PI4K2B: variants seen among roughly 807,000 people sequenced by gnomAD.
The protein encoded by PI4K2B is phosphatidylinositol 4-kinase type 2-beta.
PI4K2B carries 46 observed loss-of-function variants against 56.6 expected under a neutral mutation model. The observed-to-expected ratio is 0.81, with a 90% CI of 0.64 to 1.04. The LOEUF (loss-of-function observed/expected upper bound fraction) is 1.04, where lower values mean the gene tolerates loss of function less well. Ranked by LOEUF, PI4K2B falls within the 50% of genes least tolerant of loss-of-function variation. The pLI, the probability that PI4K2B is intolerant of heterozygous loss-of-function variation, is 0.00. For synonymous variants in PI4K2B, 211 were observed against 223.8 expected, an observed-to-expected ratio of 0.94 and a Z score of 0.51; for missense variants, 556 against 607.7, an observed-to-expected ratio of 0.91 and a Z score of 0.89.
intron 1 of PI4K2B, among the ~76,000 whole-genome samples, chr4:25,235,151 T>G (rs1683875222): frequency 1.3e-5 from 2 of 152,220 alleles, no homozygotes; most frequent in African/African-American, 4.8e-5. Flanking sequence ...TGAGTTTTTC[T>G]GGCGTGTTGA....
In PI4K2B at chr4:25,278,446, G is replaced by A. The variant is rs934876379; in HGVS notation, c.*1259G>A. On this transcript the variant is annotated 3_prime_UTR_variant, in exon 10 of 10. Transcript: ENST00000264864. ...TTTTGTTTTCTAAGCTTACTATCTT[G>A]TGTTTGTTTATTTGCTTTTAATGAA... 6.6e-6 allele frequency: 1 copy of A among 152,168 alleles called. No homozygotes were observed. The highest frequency in any genetic ancestry group is 6.6e-5 in the Admixed American group (1 of 15,266). The allele number at this position is 152,168 out of a possible 1,614,324, so 9.4% of individuals were successfully genotyped here.
chr4:25,240,770 C>T (rs1300275950), intron 1 of PI4K2B, among the ~76,000 whole-genome samples: 10 of 152,076 alleles, frequency 6.6e-5, no homozygotes, highest in Non-Finnish European at 1.0e-4. Flanking sequence ...TTTGTCTCTT[C>T]CTCTCTTTCT....
intron 1 of PI4K2B, among the ~76,000 whole-genome samples, chr4:25,237,105 G>A (rs1715292576): frequency 6.6e-6 from 1 of 152,164 alleles, no homozygotes; most frequent in Non-Finnish European, 1.5e-5. Context: ...AATGTCATAT[G>A]TCTGTTATCT....
At chr4:25,241,517 G>A (rs138774896) in intron 1 of PI4K2B, among the ~76,000 whole-genome samples, 2,070 of 152,314 alleles carry the variant, frequency 0.014, 41 homozygotes, top group African/African-American at 0.047. Context: ...ATGCATGTGC[G>A]TATTTGAAGC....
chr4:25,256,787 C>T, intron 4 of PI4K2B, 113 bp downstream of exon 4: 2 of 953,452 alleles, frequency 2.1e-6, no homozygotes. Flanking sequence ...GATTTTTCAT[C>T]TTCCAGGAGC....
At chr4:25,241,935 A>G (rs1378487577) in intron 1 of PI4K2B, among the ~76,000 whole-genome samples, 1 of 152,134 alleles carries the variant, frequency 6.6e-6, no homozygotes, top group African/African-American at 2.4e-5. Flanking sequence ...ATTCTACTAG[A>G]TGAGTATTTG....
chr4:25,245,441 G>T (rs1715721174), intron 1 of PI4K2B, among the ~76,000 whole-genome samples: 1 of 152,076 alleles, frequency 6.6e-6, no homozygotes, highest in South Asian at 2.1e-4. Flanking sequence ...ATGGCCGCAG[G>T]GTCAACCAAG....
At chr4:25,256,479 G>T in intron 3 of PI4K2B, 64 bp from the exon 4 acceptor site, 2 of 1,407,206 alleles carry the variant, frequency 1.4e-6, no homozygotes, top group Non-Finnish European at 2.0e-6. Flanking sequence ...GAGTTTCATG[G>T]TGTATATGAA....
At chr4:25,245,281 T>G (rs1715708668) in intron 1 of PI4K2B, among the ~76,000 whole-genome samples, 1 of 151,922 alleles carries the variant, frequency 6.6e-6, no homozygotes, top group Non-Finnish European at 1.5e-5. Context: ...CAGAGACAGG[T>G]AGCAATTTTT....
rs533544057 is a variant in PI4K2B at position 25,260,610 on chromosome 4, T to TTATATA, written c.978+46_978+51dup. The TTATATA allele has an allele frequency of 1.4e-3, 436 of 306,756 alleles. 1 individual carries two copies. The highest frequency in any genetic ancestry group is 5.4e-3 in the African/African-American group (218 of 40,228). The allele number at this position is 306,756 out of a possible 1,614,324, so 19.0% of individuals were successfully genotyped here. A position where few individuals can be genotyped will look rare whatever the true frequency, so the allele number is the denominator to read the frequency against. On this transcript the variant is annotated intron_variant, in intron 6 of 9. Transcript: ENST00000264864. ...CCATAAGGTAAGGAAATTTACAATTTTATATATATATATATATATATATAT... is the reference window on the plus strand; with the variant it reads ...CCATAAGGTAAGGAAATTTACAATTTTATATATATATATATATATATATATATATAT...
intron 1 of PI4K2B, among the ~76,000 whole-genome samples, chr4:25,248,928 GTC>G (rs1715912445): frequency 6.6e-6 from 1 of 152,066 alleles, no homozygotes; most frequent in African/African-American, 2.4e-5. Context: ...GTGAACAAAG[GTC>G]TCTGGTTTTA....
intron 9 of PI4K2B, among the ~76,000 whole-genome samples, chr4:25,276,037 ACAT>A (rs1717081566): frequency 6.6e-6 from 1 of 152,238 alleles, no homozygotes; most frequent in South Asian, 2.1e-4. Flanking sequence ...TTATGTGGAA[ACAT>A]TTATGCTTAT....
intron 7 of PI4K2B, 30 bp downstream of exon 7, chr4:25,263,879 A>C: frequency 1.1e-6 from 1 of 938,448 alleles, no homozygotes; most frequent in Non-Finnish European, 1.7e-6. Flanking sequence ...TGTAGAGTCT[A>C]TAATTACCTT....
intron 9 of PI4K2B, among the ~76,000 whole-genome samples, chr4:25,269,498 G>A (rs1022342887): frequency 4.6e-5 from 7 of 151,868 alleles, no homozygotes; most frequent in African/African-American, 1.4e-4. Context: ...AATTAGCTGG[G>A]TGTGGTGGCG....
chr4:25,254,085 GA>G (rs944105250), intron 2 of PI4K2B, among the ~76,000 whole-genome samples: 1 of 152,126 alleles, frequency 6.6e-6, no homozygotes, highest in Non-Finnish European at 1.5e-5. Context: ...ATTGGTTCCT[GA>G]AAAAATAGCT....
chr4:25,267,364 A>G (rs1021498394), intron 7 of PI4K2B, among the ~76,000 whole-genome samples: 27 of 152,248 alleles, frequency 1.8e-4, no homozygotes, highest in Admixed American at 3.3e-4. Flanking sequence ...TAGAATGAAA[A>G]GTGACCTTCC....
chr4:25,271,258 G>A (rs16876963), intron 9 of PI4K2B, among the ~76,000 whole-genome samples: 12,541 of 152,224 alleles, frequency 0.082, 632 homozygotes, highest in African/African-American at 0.14. Context: ...GATTGGAGCA[G>A]TTAGAAATTA....
At chr4:25,246,422 A>G (rs1715785807) in intron 1 of PI4K2B, among the ~76,000 whole-genome samples, 1 of 152,234 alleles carries the variant, frequency 6.6e-6, no homozygotes, top group Admixed American at 6.5e-5. Context: ...CCACTAGATT[A>G]GCTAGATACA....
chr4:25,270,083 G>A (rs1716823106), intron 9 of PI4K2B, among the ~76,000 whole-genome samples: 1 of 152,106 alleles, frequency 6.6e-6, no homozygotes, highest in Non-Finnish European at 1.5e-5. Flanking sequence ...GCTATGAATT[G>A]TTTGTCCCCA....
Sources: gnomAD v4.1 joint callset for allele counts (sites outside exome capture counted in the v4.1 genomes callset) on GRCh38, gnomAD v4.1.1 for gene constraint, MANE v1.5 for transcripts, NCBI Gene and HGNC (gene_info 2026-07-23, HGNC 2026-07-21) for gene names.